SPEF2: variants seen among roughly 807,000 people sequenced by gnomAD.
SPEF2 encodes the protein sperm flagellar and cilia associated 2, also known as sperm flagella and cilia-associated protein 2.
Under a neutral mutation model 224.6 loss-of-function variants are expected in SPEF2, and 187 were observed. That is an observed-to-expected ratio of 0.83 (90% CI 0.74 to 0.94). The LOEUF is 0.94. Among genes scored for constraint, SPEF2 ranks in the 40% least tolerant of loss-of-function variants. The pLI, the probability that SPEF2 is intolerant of heterozygous loss-of-function variation, is 0.00. For missense variants in SPEF2, 2,170 were observed against 2,135.6 expected (o/e 1.02, Z -0.32); for synonymous variants, 715 against 707.3 (o/e 1.01, Z -0.17).
chr5:35,807,593 T>C, intron 36 of SPEF2: 2 of 1,495,294 alleles, frequency 1.3e-6, no homozygotes, highest in Non-Finnish European at 1.8e-6. Context: ...AAGACCATGA[T>C]CTCCAGCCAA....
rs183247277 is a variant in SPEF2 at position 35,649,543 on chromosome 5, A to G, written c.791+118A>G. 1.1e-5 allele frequency: 8 copies of G among 704,454 alleles called. No individual in the cohort carries two copies. In the African/African-American group the frequency reaches 1.4e-4, roughly 13 times the overall value. The allele number at this position is 704,454 out of a possible 1,614,324, so 43.6% of individuals were successfully genotyped here. On this transcript the variant is annotated intron_variant, in intron 6 of 36. Transcript: ENST00000356031. ...TTCCAGGATCTTTTCACTCCAAAGA[A>G]TCTTGATTCAGAGAGTAATTAGGGA...
At chr5:35,623,767 A>G (rs1448525273) in intron 1 of SPEF2, among the ~76,000 whole-genome samples, 2 of 152,376 alleles carry the variant, frequency 1.3e-5, no homozygotes, top group East Asian at 3.9e-4. Flanking sequence ...TACTGTAATC[A>G]TTAAAGATCT....
At chr5:35,687,935 G>T (rs1362014165) in intron 10 of SPEF2, among the ~76,000 whole-genome samples, 2 of 151,672 alleles carry the variant, frequency 1.3e-5, no homozygotes, top group Non-Finnish European at 2.9e-5. Flanking sequence ...AAAAATTTTT[G>T]CAAGCAAAAA....
At chr5:35,710,349 GGA>G in intron 19 of SPEF2, 1 of 784,720 alleles carries the variant, frequency 1.3e-6, no homozygotes, top group Non-Finnish European at 1.5e-6. Context: ...CCAGAAATCA[GGA>G]GTTCGAGACC....
intron 21 of SPEF2, among the ~76,000 whole-genome samples, chr5:35,737,483 G>A (rs902216162): frequency 2.0e-5 from 3 of 151,350 alleles, no homozygotes; most frequent in Admixed American, 1.3e-4. Context: ...TTGTCCTTGC[G>A]ATAGTTTGCT....
intron 36 of SPEF2, 92 bp from the exon 37 acceptor site, chr5:35,814,372 G>A: frequency 3.3e-6 from 2 of 605,792 alleles, no homozygotes; most frequent in Non-Finnish European, 5.3e-6. Flanking sequence ...TGGTTGCCAT[G>A]TACTATGTGA....
At chr5:35,792,813 G>C (rs1756146737) in intron 31 of SPEF2, among the ~76,000 whole-genome samples, 1 of 152,188 alleles carries the variant, frequency 6.6e-6, no homozygotes, top group Non-Finnish European at 1.5e-5. Context: ...AATGCTTAAA[G>C]AGCATTCCCC....
chr5:35,745,446 A>C (rs1215683886), intron 23 of SPEF2, among the ~76,000 whole-genome samples: 1 of 152,068 alleles, frequency 6.6e-6, no homozygotes, highest in African/African-American at 2.4e-5. Flanking sequence ...CATCTCACCC[A>C]CTGCCTGGAA....
intron 20 of SPEF2, among the ~76,000 whole-genome samples, chr5:35,724,069 A>G (rs114843845): frequency 0.014 from 2,102 of 152,326 alleles, 46 homozygotes; most frequent in African/African-American, 0.049. Flanking sequence ...ATATAATCTC[A>G]TTAAGTTCTC....
intron 9 of SPEF2, among the ~76,000 whole-genome samples, chr5:35,668,764 G>T (rs1292483288): frequency 1.3e-5 from 2 of 151,958 alleles, no homozygotes; most frequent in African/African-American, 2.4e-5. Flanking sequence ...TACAGTAAAG[G>T]TCAGATAGCT....
chr5:35,737,898 T>C (rs1746898544), intron 21 of SPEF2, among the ~76,000 whole-genome samples: 1 of 152,198 alleles, frequency 6.6e-6, no homozygotes, highest in East Asian at 1.9e-4. Context: ...TTTTTAATGA[T>C]TGCCATTCTA....
At chr5:35,653,892 A>G (rs1273617580) in intron 6 of SPEF2, among the ~76,000 whole-genome samples, 1 of 148,408 alleles carries the variant, frequency 6.7e-6, no homozygotes, top group East Asian at 2.0e-4. Flanking sequence ...GGTTGCAGTA[A>G]GCCGAGATCG....
chr5:35,620,915 A>G lies in SPEF2; in HGVS notation c.58+2860A>G, dbSNP rs543592790. Among the ~76,000 whole-genome samples the G allele has an allele frequency of 6.3e-4, 96 of 152,326 alleles. 1 individual carries two copies. Among genetic ancestry groups the G allele is most frequent in the African/African-American group, 2.1e-3 (88 of 41,574 alleles). On this transcript the variant is annotated intron_variant, in intron 1 of 36. Transcript: ENST00000356031. ...ACTATTGACTTACACATGAATTTTC[A>G]TATTATGGTTTGCGTAAGTGTAGAG...
At chr5:35,788,018 A>T (rs1435365390) in intron 30 of SPEF2, 2 of 699,338 alleles carry the variant, frequency 2.9e-6, no homozygotes, top group Admixed American at 2.0e-5. Context: ...ATTAAATCTT[A>T]TGTTCTGCGC....
intron 21 of SPEF2, among the ~76,000 whole-genome samples, chr5:35,739,156 A>G (rs1049805738): frequency 5.3e-5 from 8 of 152,290 alleles, no homozygotes; most frequent in African/African-American, 1.7e-4. Flanking sequence ...TTTTCATAAT[A>G]TGTATTTTTC....
At position 35,776,266 on chromosome 5, in the gene SPEF2, C is replaced by A; in HGVS notation, c.4088C>A (p.Thr1363Lys). Residue 1363 changes from threonine to lysine, a missense_variant, in exon 29 of 37, where the codon ACG becomes AAG. By Grantham distance (78) the Thr-to-Lys change is moderately conservative. Coordinates refer to ENST00000356031, the MANE Select transcript of SPEF2 (RefSeq NM_024867.4). Reference protein sequence around the residue: ...LAALQFEEIATQFRLELIKTK... With the variant: ...LAALQFEEIAKQFRLELIKTK... The stretch of plus-strand genomic sequence containing the variant: ...TTCTCTTTGCAAATAGAAATAGCCA[C>A]GCAATTTCGACTTGAACTGATAAAG... The A allele has an allele frequency of 6.9e-6, 11 of 1,603,926 alleles. No homozygotes were observed. The highest frequency in any genetic ancestry group is 9.3e-6 in the Non-Finnish European group (11 of 1,176,882).
intron 23 of SPEF2, among the ~76,000 whole-genome samples, chr5:35,741,005 A>G (rs1412278615): frequency 6.6e-6 from 1 of 152,180 alleles, no homozygotes; most frequent in Non-Finnish European, 1.5e-5. Flanking sequence ...AACATTGCCA[A>G]TCTCAAACCC....
At chr5:35,754,134 A>G (rs959076576) in intron 24 of SPEF2, among the ~76,000 whole-genome samples, 2 of 152,212 alleles carry the variant, frequency 1.3e-5, no homozygotes, top group African/African-American at 4.8e-5. Flanking sequence ...CAACAAGCAT[A>G]GGCAAGATCA....
intron 23 of SPEF2, 146 bp from the exon 24 acceptor site, chr5:35,753,478 T>C (rs1180894046): frequency 1.3e-5 from 13 of 1,012,740 alleles, no homozygotes; most frequent in Non-Finnish European, 1.9e-5. Flanking sequence ...ATTGGTTGAA[T>C]GAGCACATAC....
Sources: gnomAD v4.1 joint callset for allele counts (sites outside exome capture counted in the v4.1 genomes callset) on GRCh38, gnomAD v4.1.1 for gene constraint, MANE v1.5 for transcripts, NCBI Gene and HGNC (gene_info 2026-07-23, HGNC 2026-07-21) for gene names.